Variants in COMMD6 observed in about 807,000 individuals in gnomAD.
COMMD6 encodes COMM domain-containing protein 6.
Under a neutral mutation model 13.4 loss-of-function variants are expected in COMMD6, and 11 were observed. That is an observed-to-expected ratio of 0.82 (90% confidence interval 0.52 to 1.36). The LOEUF is 1.36. Among genes scored for constraint, COMMD6 ranks in the 40% most tolerant of loss-of-function variants. The probability of loss-of-function intolerance (pLI) is 0.00; values close to 1 mark genes in which losing one functional copy is unlikely to be tolerated. For synonymous variants in COMMD6, 43 were observed against 36.5 expected (o/e 1.18, Z -0.64); for missense variants, 124 against 102.4 (o/e 1.21, Z -0.91).
intron 1 of COMMD6, among the ~76,000 whole-genome samples, chr13:75,544,413 C>T (rs2030870506): frequency 6.6e-6 from 1 of 152,162 alleles, no homozygotes; most frequent in African/African-American, 2.4e-5. Context: ...CATTTGAAAA[C>T]TTCAAGACAT....
intron 2 of COMMD6, among the ~76,000 whole-genome samples, chr13:75,532,601 G>A (rs757001922): frequency 1.3e-5 from 2 of 152,140 alleles, no homozygotes; most frequent in African/African-American, 4.8e-5. Flanking sequence ...GGAGGCCGAG[G>A]TGGGCGGATC....
chr13:75,532,569 C>T (rs763927957), intron 2 of COMMD6, among the ~76,000 whole-genome samples: 2 of 152,132 alleles, frequency 1.3e-5, no homozygotes, highest in South Asian at 2.1e-4. Context: ...CGGTGGCTCA[C>T]GCCTGTAATC....
At chr13:75,534,028 G>A (rs1285864546) in intron 2 of COMMD6, among the ~76,000 whole-genome samples, 1 of 151,714 alleles carries the variant, frequency 6.6e-6, no homozygotes, top group African/African-American at 2.4e-5. Flanking sequence ...GGAGTGCAGT[G>A]GCATGAATGT....
chr13:75,526,719 C>G, intron 3 of COMMD6, 80 bp from the exon 4 acceptor site: 1 of 933,642 alleles, frequency 1.1e-6, no homozygotes, highest in Non-Finnish European at 1.7e-6. Flanking sequence ...ATCTGACTAC[C>G]GGAGACTATA....
intron 2 of COMMD6, among the ~76,000 whole-genome samples, chr13:75,537,228 A>G (rs1348490914): frequency 6.6e-6 from 1 of 152,246 alleles, no homozygotes; most frequent in Non-Finnish European, 1.5e-5. Context: ...ATATACTTTA[A>G]AAGTCAAATT....
At chr13:75,543,392 A>C (rs1041528414), upstream of COMMD6, among the ~76,000 whole-genome samples, 3 of 152,232 alleles carry the variant, frequency 2.0e-5, no homozygotes, top group Admixed American at 2.0e-4. Flanking sequence ...TATATCTCCC[A>C]AATAGTTTCC....
upstream of COMMD6, chr13:75,538,714 C>G (rs964099244): frequency 1.3e-5 from 2 of 152,108 alleles, no homozygotes; most frequent in Non-Finnish European, 2.9e-5. Context: ...TAAAATTTCC[C>G]CACTTGTTTA....
chr13:75,545,936 G>A (rs990135108), intron 1 of COMMD6, among the ~76,000 whole-genome samples: 18 of 152,114 alleles, frequency 1.2e-4, no homozygotes, highest in African/African-American at 4.1e-4. Context: ...TAGCACAATA[G>A]GGTGACTATA....
At chr13:75,544,200 A>G (rs2030866972) in intron 1 of COMMD6, among the ~76,000 whole-genome samples, 1 of 152,168 alleles carries the variant, frequency 6.6e-6, no homozygotes, top group Admixed American at 6.5e-5. Context: ...TCCTATAATC[A>G]TGGAAGTTTT....
intron 3 of COMMD6, among the ~76,000 whole-genome samples, chr13:75,527,513 C>T (rs940433289): frequency 2.6e-5 from 4 of 152,000 alleles, no homozygotes; most frequent in African/African-American, 7.2e-5. Flanking sequence ...CAGGCTATCT[C>T]GTGGTTAGTT....
At position 75,533,023 on chromosome 13, in the gene COMMD6, C is replaced by T. The variant is rs577928559; in HGVS notation, c.55-2757G>A. Reference sequence around the variant, plus strand: ...TTGGCTTACTGCAAGCTCTGCCTCCCGGGTTCACGCCATTCTCCTGCCTCA... The same window carrying T: ...TTGGCTTACTGCAAGCTCTGCCTCCTGGGTTCACGCCATTCTCCTGCCTCA... On this transcript the variant is annotated intron_variant, in intron 2 of 3. Transcript: ENST00000682242. 1.6e-3 allele frequency among the ~76,000 whole-genome samples: 237 copies of T among 151,486 alleles called. 5 individuals are homozygous for T. Among genetic ancestry groups the T allele is most frequent in the Non-Finnish European group, 4.9e-4 (33 of 67,826 alleles).
At chr13:75,537,558 G>A (rs879114014) in intron 2 of COMMD6, 106 bp downstream of exon 2, 2 of 1,532,192 alleles carry the variant, frequency 1.3e-6, no homozygotes, top group Admixed American at 4.0e-5. Flanking sequence ...TCACCGGCTC[G>A]CGGACACAGG....
At chr13:75,537,939 T>C (rs915173050), upstream of COMMD6, 48 of 825,304 alleles carry the variant, frequency 5.8e-5, no homozygotes, top group Non-Finnish European at 8.3e-5. Context: ...AGCATCTTTA[T>C]GTGACTCATA....
upstream of COMMD6, among the ~76,000 whole-genome samples, chr13:75,538,211 G>C (rs1003723699): frequency 9.2e-5 from 14 of 152,346 alleles, no homozygotes; most frequent in African/African-American, 2.6e-4. Flanking sequence ...ATGGGAGTTT[G>C]TCCTGCAAGG....
chr13:75,544,161 G>A (rs1229689184), intron 1 of COMMD6, among the ~76,000 whole-genome samples: 1 of 152,148 alleles, frequency 6.6e-6, no homozygotes, highest in Non-Finnish European at 1.5e-5. Flanking sequence ...TCAGTAAGAT[G>A]CAGAACCGGG....
intron 2 of COMMD6, among the ~76,000 whole-genome samples, chr13:75,534,318 CAG>C (rs922727623): frequency 1.3e-5 from 2 of 152,118 alleles, no homozygotes; most frequent in Non-Finnish European, 2.9e-5. Context: ...ACTATTAAAA[CAG>C]TGAAATTGTC....
intron 3 of COMMD6, among the ~76,000 whole-genome samples, chr13:75,528,960 C>T (rs1309094143): frequency 7.0e-4 from 106 of 152,012 alleles, no homozygotes; most frequent in Non-Finnish European, 1.8e-4. Flanking sequence ...AAAGGGTTTT[C>T]TTTAAAAGGA....
At chr13:75,538,199 A>C (rs1275758708), upstream of COMMD6, among the ~76,000 whole-genome samples, 1 of 152,230 alleles carries the variant, frequency 6.6e-6, no homozygotes. Flanking sequence ...CACCCCCGGC[A>C]CATGGGAGTT....
intron 3 of COMMD6, chr13:75,528,001 GCACA>G (rs57959582): frequency 0.5 from 143,024 of 285,682 alleles, 31,309 homozygotes; most frequent in East Asian, 0.7. Flanking sequence ...CATGCCCTCA[GCACA>G]CACACACACA....
Sources: allele counts gnomAD v4.1 joint callset (sites outside exome capture counted in the v4.1 genomes callset), GRCh38; gene constraint gnomAD v4.1.1; transcripts MANE v1.5; gene names NCBI Gene and HGNC (gene_info 2026-07-23, HGNC 2026-07-21).